The following TAF4B variants were observed in gnomAD, a reference collection of about 807,000 sequenced individuals.
TAF4B encodes transcription initiation factor TFIID subunit 4B.
TAF4B carries 38 observed loss-of-function variants against 86.4 expected under a neutral mutation model. The ratio of observed to expected loss-of-function variants is 0.44; its 90% CI spans 0.34 to 0.58. TAF4B has a LOEUF of 0.58. Among genes scored for constraint, TAF4B ranks in the 20% least tolerant of loss-of-function variants. The probability of loss-of-function intolerance (pLI) is 0.02; values close to 1 mark genes in which losing one functional copy is unlikely to be tolerated. For synonymous variants in TAF4B, 388 were observed against 391.2 expected, an observed-to-expected ratio of 0.99 and a Z score of 0.10; for missense variants, 988 against 1,027.6, an observed-to-expected ratio of 0.96 and a Z score of 0.53.
chr18:26,340,302 A>G (rs957758709), intron 13 of TAF4B, among the ~76,000 whole-genome samples: 7 of 152,350 alleles, frequency 4.6e-5, no homozygotes, highest in South Asian at 2.1e-4. Flanking sequence ...TATGAAGTCA[A>G]TGAAAGGTGA....
At chr18:26,370,541 A>G (rs961610551) in intron 14 of TAF4B, among the ~76,000 whole-genome samples, 4 of 152,154 alleles carry the variant, frequency 2.6e-5, no homozygotes, top group African/African-American at 4.8e-5. Context: ...GTTGCCTTAC[A>G]TGGGACTACT....
chr18:26,261,261 C>T (rs1041535522), intron 1 of TAF4B, among the ~76,000 whole-genome samples: 16 of 133,326 alleles, frequency 1.2e-4, no homozygotes, highest in African/African-American at 3.4e-4. Context: ...GGCTCACTGC[C>T]GGGATCTCGG....
chr18:26,345,549 A>G (rs1364727569), intron 13 of TAF4B, among the ~76,000 whole-genome samples: 1 of 152,178 alleles, frequency 6.6e-6, no homozygotes, highest in Non-Finnish European at 1.5e-5. Context: ...CTCCACCACA[A>G]ACTCAGCCCA....
At chr18:26,353,829 A>G (rs1441689202) in intron 13 of TAF4B, among the ~76,000 whole-genome samples, 2 of 152,230 alleles carry the variant, frequency 1.3e-5, no homozygotes, top group East Asian at 1.9e-4. Context: ...TGTGTCTTCC[A>G]TAGAGCAAAA....
rs1362351989 is a variant in TAF4B at position 26,232,164 on chromosome 18, A to C, written c.343+4888A>C. Among the ~76,000 whole-genome samples the C allele has an allele frequency of 2.6e-5, 4 of 152,266 alleles. No individual in the cohort carries two copies. The South Asian group carries it at 8.3e-4, about 32-fold the overall frequency. ...TTACAATCCTCTCGTAAGACAGAAA[A>C]GTTCTCCAAGTCTGCAGTCAACCCA... On this transcript the variant is annotated intron_variant, in intron 1 of 14. Transcript: ENST00000269142.
intron 10 of TAF4B, among the ~76,000 whole-genome samples, chr18:26,316,384 CTTCTTCT>C (rs2056912043): frequency 6.6e-6 from 1 of 151,724 alleles, no homozygotes; most frequent in Non-Finnish European, 1.5e-5. Context: ...TTTTCTTCTT[CTTCTTCT>C]TTTTTTTTTC....
chr18:26,303,903 T>C (rs1258328165), intron 9 of TAF4B, among the ~76,000 whole-genome samples: 1 of 152,186 alleles, frequency 6.6e-6, no homozygotes, highest in African/African-American at 2.4e-5. Flanking sequence ...TTTAAACATC[T>C]TTCAATAAAG....
At chr18:26,358,791 G>A (rs1465014826) in intron 14 of TAF4B, among the ~76,000 whole-genome samples, 2 of 152,174 alleles carry the variant, frequency 1.3e-5, no homozygotes, top group African/African-American at 2.4e-5. Flanking sequence ...GGTATGCTAA[G>A]GGCTCTGAGA....
At position 26,315,143 on chromosome 18, in the gene TAF4B, TC is replaced by T. The variant is rs1568147955; in HGVS notation, c.1833-85del. ...CTCTCTCTCTCTCTCTCTCTCTCTC[TC>T]TGTCTCTCTCTCTCTCTCACACACA... On this transcript the variant is annotated intron_variant, in intron 9 of 14. Coordinates refer to ENST00000269142, the MANE Select transcript of TAF4B (RefSeq NM_005640.3). 549 of 293,480 alleles carry T rather than the reference TC, an allele frequency of 1.9e-3. 7 individuals carry two copies. The highest frequency in any genetic ancestry group is 4.1e-3 in the Middle Eastern group (4 of 980). The allele number at this position is 293,480 out of a possible 1,614,324, so 18.2% of individuals were successfully genotyped here.
At chr18:26,291,140 AT>A (rs771960424) in intron 7 of TAF4B, among the ~76,000 whole-genome samples, 3 of 152,204 alleles carry the variant, frequency 2.0e-5, no homozygotes, top group Non-Finnish European at 4.4e-5. Context: ...AACTCTAAAA[AT>A]TCTGTTTAGA....
intron 9 of TAF4B, among the ~76,000 whole-genome samples, chr18:26,294,738 TG>T (rs2056640676): frequency 6.7e-6 from 1 of 149,520 alleles, no homozygotes; most frequent in Non-Finnish European, 1.5e-5. Flanking sequence ...GCAGTTAAAG[TG>T]GGGGAAAGCA....
In TAF4B at chr18:26,261,443, G is replaced by T. The variant is rs553863597; in HGVS notation, c.344-3727G>T. ...TCTCGATCTCCTGACCTTGTGATCC[G>T]CCCGCCTCGGCCTCCCAAAGTGCTG... is the stretch of plus-strand genomic sequence containing the variant. On this transcript the variant is annotated intron_variant, in intron 1 of 14. Coordinates refer to ENST00000269142, the MANE Select transcript of TAF4B (RefSeq NM_005640.3). Among the ~76,000 whole-genome samples, 3 of 151,994 alleles carry T rather than the reference G, an allele frequency of 2.0e-5. No homozygotes were observed. In the South Asian group the frequency reaches 6.2e-4, roughly 32 times the overall value.
rs777275928 is a variant in TAF4B, at chr18:26,327,001, C to CT, written c.2134-6dup. On this transcript the variant is annotated splice_polypyrimidine_tract_variant and intron_variant, in intron 11 of 14. Transcript: ENST00000269142. ...GGATCATTATAAGACTTTCTGTTTTCTTTTTTTTCCCAGGCAAGTGAAAAT... is the reference window on the plus strand; with the variant it reads ...GGATCATTATAAGACTTTCTGTTTTCTTTTTTTTTCCCAGGCAAGTGAAAAT... 3.7e-5 allele frequency: 60 copies of CT among 1,607,980 alleles called. No homozygotes were observed. The highest frequency in any genetic ancestry group is 2.9e-4 in the African/African-American group (22 of 74,654).
At chr18:26,385,736 C>T (rs1334437795) in intron 14 of TAF4B, among the ~76,000 whole-genome samples, 1 of 142,614 alleles carries the variant, frequency 7.0e-6, no homozygotes, top group Non-Finnish European at 1.5e-5. Flanking sequence ...GGCCCTTAAC[C>T]ACATTAGTAT....
In TAF4B at chr18:26,391,357, T is replaced by A. The variant is rs1248740065; in HGVS notation, c.*1345T>A. ...TGGGAAATGCTATACTTATAAGAATTGAAGGAAAAAAAAAAAAACACCTCA... is the reference window on the plus strand; with the variant it reads ...TGGGAAATGCTATACTTATAAGAATAGAAGGAAAAAAAAAAAAACACCTCA... On this transcript the variant is annotated 3_prime_UTR_variant, in exon 15 of 15. Coordinates refer to ENST00000269142, the MANE Select transcript of TAF4B (RefSeq NM_005640.3). 1.2e-4 allele frequency: 17 copies of A among 139,792 alleles called. No homozygotes were observed. Among genetic ancestry groups the A allele is most frequent in the Non-Finnish European group, 2.4e-4 (16 of 67,272 alleles). The allele number at this position is 139,792 out of a possible 1,614,324, so 8.7% of individuals were successfully genotyped here.
chr18:26,361,574 G>A (rs560776073), intron 14 of TAF4B, among the ~76,000 whole-genome samples: 7 of 151,568 alleles, frequency 4.6e-5, no homozygotes, highest in South Asian at 4.2e-4. Flanking sequence ...GTGAAACCCC[G>A]TCTCTACTAA....
chr18:26,272,608 G>A (rs1213565364), intron 3 of TAF4B, among the ~76,000 whole-genome samples: 1 of 152,040 alleles, frequency 6.6e-6, no homozygotes, highest in Admixed American at 6.5e-5. Context: ...CTTCCTGAGG[G>A]AGGGGGACAG....
intron 13 of TAF4B, among the ~76,000 whole-genome samples, 156 bp downstream of exon 13, chr18:26,335,387 A>T (rs370109505): frequency 2.0e-5 from 3 of 152,226 alleles, no homozygotes; most frequent in Admixed American, 6.5e-5. Context: ...CAGTACTTCA[A>T]ATGAGGTCAA....
At chr18:26,280,701 G>T (rs775715242) in intron 5 of TAF4B, among the ~76,000 whole-genome samples, 2 of 152,118 alleles carry the variant, frequency 1.3e-5, no homozygotes, top group African/African-American at 2.4e-5. Context: ...GCTGTTGGTG[G>T]GAATGTAAAT....
Sources: allele counts gnomAD v4.1 joint callset (sites outside exome capture counted in the v4.1 genomes callset), GRCh38; gene constraint gnomAD v4.1.1; transcripts MANE v1.5; gene names NCBI Gene and HGNC (gene_info 2026-07-23, HGNC 2026-07-21).